Variants in TUBGCP2 observed in about 807,000 individuals in gnomAD.
The protein encoded by TUBGCP2 is tubulin gamma complex component 2.
TUBGCP2 carries 55 observed loss-of-function variants against 92.2 expected under a neutral mutation model. The ratio of observed to expected loss-of-function variants is 0.60; its 90% CI spans 0.48 to 0.75. The LOEUF (loss-of-function observed/expected upper bound fraction) is 0.75, where lower values mean the gene tolerates loss of function less well. TUBGCP2 is among the 30% of genes least tolerant of loss of function. The probability of loss-of-function intolerance (pLI) is 0.00; values close to 1 mark genes in which losing one functional copy is unlikely to be tolerated. For missense variants in TUBGCP2, 1,093 were observed against 1,188.9 expected, an observed-to-expected ratio of 0.92 and a Z score of 1.19; for synonymous variants, 533 against 505.2, an observed-to-expected ratio of 1.06 and a Z score of -0.74.
chr10:133,291,219 C>T (rs1339579572), intron 8 of TUBGCP2, among the ~76,000 whole-genome samples: 1 of 150,874 alleles, frequency 6.6e-6, no homozygotes, highest in Non-Finnish European at 1.5e-5. Flanking sequence ...CCAGAGCCCC[C>T]AGAGAGGGCA....
upstream of TUBGCP2, chr10:133,312,143 A>T: frequency 7.1e-7 from 1 of 1,416,694 alleles, no homozygotes; most frequent in Non-Finnish European, 9.2e-7. Context: ...GTCACAACCC[A>T]GGCGTCTGCC....
At chr10:133,283,677 C>G (rs56094931) in intron 14 of TUBGCP2, among the ~76,000 whole-genome samples, 2 of 6,162 alleles carry the variant, frequency 3.2e-4, no homozygotes, top group Non-Finnish European at 7.3e-4. Context: ...CCTGCACTCC[C>G]TGCCTCTCCC....
chr10:133,285,091 G>A lies in TUBGCP2; in HGVS notation c.2018C>T (p.Ala673Val), dbSNP rs1847096923. 1 of 1,605,894 alleles carries A rather than the reference G, an allele frequency of 6.2e-7. No individual in the cohort carries two copies. Among genetic ancestry groups the A allele is most frequent in the Non-Finnish European group, 8.5e-7 (1 of 1,174,454 alleles). Residue 673 changes from alanine (A) to valine (V), a missense_variant, in exon 13 of 18, where the codon GCC (alanine) becomes GTC (valine). Around this residue, in one of 3 missense-constraint regions of TUBGCP2, gnomAD observed 598 missense variants for 675.5 expected, o/e 0.89. Transcript: ENST00000252936. The surrounding 1 kb of genome is among the most constrained non-coding windows in gnomAD (Gnocchi z 6.8). Reference sequence around the variant, plus strand: ...GGGCAGAGGAAGAACGCACCACTGGGCGGAGTGCAGCGAGTGCTGCTTGGC... The same window carrying A: ...GGGCAGAGGAAGAACGCACCACTGGACGGAGTGCAGCGAGTGCTGCTTGGC... ...KTAKQHSLHS[A>V]QWFAGAFTLR...
rs540190006 is a variant in TUBGCP2 at position 133,308,223 on chromosome 10, G to A, written c.-40+600C>T. On this transcript the variant is annotated intron_variant, in intron 1 of 17. Coordinates refer to ENST00000252936, the MANE Select transcript of TUBGCP2 (RefSeq NM_006659.4). Reference sequence around the variant, plus strand: ...TAATTAGGTGACTCTTTACTCTGACGTCTGTCTCTCCTACAAGGCTGCCGC... The same window carrying A: ...TAATTAGGTGACTCTTTACTCTGACATCTGTCTCTCCTACAAGGCTGCCGC... Among the ~76,000 whole-genome samples the A allele has an allele frequency of 1.1e-4, 16 of 152,252 alleles. 1 individual carries two copies. The South Asian group carries it at 2.9e-3, about 28-fold the overall frequency.
upstream of TUBGCP2, chr10:133,310,253 G>C (rs146350657): frequency 6.2e-7 from 1 of 1,614,038 alleles, no homozygotes. Flanking sequence ...TGTACCCCGC[G>C]GACTTCCGGT....
chr10:133,306,882 C>T (rs937789923), intron 1 of TUBGCP2, among the ~76,000 whole-genome samples: 2 of 152,226 alleles, frequency 1.3e-5, no homozygotes, highest in African/African-American at 4.8e-5. Flanking sequence ...CATGAGTGTT[C>T]ATCCCATGAG....
At position 133,281,309 on chromosome 10, in the gene TUBGCP2, C is replaced by T; in HGVS notation, c.2537G>A (p.Ser846Asn). 1 of 1,612,998 alleles carries T rather than the reference C, an allele frequency of 6.2e-7. No homozygotes were observed. The highest frequency in any genetic ancestry group is 8.5e-7 in the Non-Finnish European group (1 of 1,179,956). ...GCTGGCCATGCCGTGCTCACAGTCA[C>T]TGGTGCTATAGATGCTCAGCCGGGC... ...LLARLSIYSTSDCEHGMASVI... is the reference protein window; with the variant it reads ...LLARLSIYSTNDCEHGMASVI... The change falls in exon 17 of 18, where the codon AGT (serine) becomes AAT (asparagine). Residue 846 changes from serine (S) to asparagine (N), a missense_variant. Transcript: ENST00000252936.
At chr10:133,301,540 T>C (rs1448395175) in intron 2 of TUBGCP2, among the ~76,000 whole-genome samples, 27 of 152,194 alleles carry the variant, frequency 1.8e-4, no homozygotes. Flanking sequence ...GTGCCATTGT[T>C]AACCTGTTTA....
At chr10:133,293,349 A>C in intron 6 of TUBGCP2, 111 bp from the exon 7 acceptor site, 1 of 1,342,706 alleles carries the variant, frequency 7.4e-7, no homozygotes, top group Non-Finnish European at 1.0e-6. Flanking sequence ...CTTGAACCCC[A>C]CATCCCAGAG....
intron 5 of TUBGCP2, chr10:133,297,442 G>A (rs1847515918): frequency 2.2e-6 from 1 of 451,998 alleles, no homozygotes; most frequent in Non-Finnish European, 4.4e-6. Flanking sequence ...CCCATGAATT[G>A]TGACAGATGA....
At position 133,283,321 on chromosome 10, in the gene TUBGCP2, C is replaced by T. The variant is rs74164136; in HGVS notation, c.2146-100G>A. On this transcript the variant is annotated intron_variant, in intron 14 of 17. Coordinates refer to ENST00000252936, the MANE Select transcript of TUBGCP2 (RefSeq NM_006659.4). ...TTCTGGCTTTGTGCATTCCTGTTTA[C>T]GCACTTCTACCTCTTAAATGGGCCT... The T allele has an allele frequency of 4.9e-3, 7,476 of 1,529,324 alleles. 290 individuals are homozygous for T. The African/African-American group carries it at 0.08, about 16-fold the overall frequency. 94.7% of individuals were successfully genotyped at this position (1,529,324 alleles called of 1,614,324 possible).
intron 10 of TUBGCP2, 108 bp from the exon 11 acceptor site, chr10:133,288,417 A>G: frequency 2.9e-6 from 4 of 1,386,960 alleles, no homozygotes; most frequent in Non-Finnish European, 3.9e-6. Flanking sequence ...ACAGCCAGGG[A>G]GCAGGCGTGA....
In TUBGCP2 at chr10:133,283,956, G is replaced by A; in HGVS notation, c.2071C>T (p.Gln691Ter). The A allele has an allele frequency of 6.2e-7, 1 of 1,614,148 alleles. No homozygotes were observed. The highest frequency in any genetic ancestry group is 8.5e-7 in the Non-Finnish European group (1 of 1,180,014). ...TLRQRMLNFV[Q>*]NIQYYMMFEV... ...AACATCATGTAGTATTGAATATTCT[G>A]GACGAAGTTGAGCATTCGCTGCCGC... The change falls in exon 14 of 18, where the codon CAG (glutamine) becomes TAG (stop). Residue 691 changes from glutamine (Q) to a stop codon, truncating the protein, a stop_gained. Coordinates refer to ENST00000252936, the MANE Select transcript of TUBGCP2 (RefSeq NM_006659.4). LOFTEE classifies it high-confidence loss of function.
chr10:133,308,175 G>C (rs1431171185), intron 1 of TUBGCP2, among the ~76,000 whole-genome samples: 1 of 152,158 alleles, frequency 6.6e-6, no homozygotes, highest in African/African-American at 2.4e-5. Flanking sequence ...ACTGCTTCCC[G>C]CGTGTGTTGT....
chr10:133,302,775 C>G lies in TUBGCP2; in HGVS notation c.150+17G>C, dbSNP rs370314512. 34 of 1,612,040 alleles carry G rather than the reference C, an allele frequency of 2.1e-5. No individual in the cohort carries two copies. The highest frequency in any genetic ancestry group is 4.3e-4 in the Middle Eastern group (2 of 4,628). On this transcript the variant is annotated intron_variant, in intron 2 of 17. Coordinates refer to ENST00000252936, the MANE Select transcript of TUBGCP2 (RefSeq NM_006659.4). ...AGTGCTCACCCTGCACAGCGCTACA[C>G]CAAGGGCAGTGCTCACCTTGGCACT...
intron 1 of TUBGCP2, among the ~76,000 whole-genome samples, chr10:133,305,544 T>TC (rs1847792977): frequency 1.3e-5 from 2 of 152,100 alleles, no homozygotes; most frequent in Admixed American, 6.5e-5. Context: ...TTACAATCTC[T>TC]CATCTCCGCA....
At position 133,281,392 on chromosome 10, in the gene TUBGCP2, G is replaced by C. The variant is rs370230871; in HGVS notation, c.2454C>G (p.Phe818Leu). 1.0e-4 allele frequency: 165 copies of C among 1,613,612 alleles called. No homozygotes were observed. The highest frequency in any genetic ancestry group is 1.7e-4 in the Middle Eastern group (1 of 6,002). ...TGTCAAACTTGTTGATGGTGGCCTC[G>C]AAGCCGGACACCAGCTGCACAGTGT... is the stretch of plus-strand genomic sequence containing the variant. ...HADTVQLVSG[F>L]EATINKFDKN... Residue 818 changes from phenylalanine to leucine, a missense_variant, in exon 17 of 18, where the codon TTC becomes TTG. Transcript: ENST00000252936.
In TUBGCP2 at chr10:133,285,631, T is replaced by TG; in HGVS notation, c.1723-4dup. ...AGGTCATGGGGCATCAGGTCGATCT[T>TG]GGAGGGAAGGAAATGAAACAAAGCA... On this transcript the variant is annotated splice_region_variant and splice_polypyrimidine_tract_variant and intron_variant, in intron 11 of 17. Transcript: ENST00000252936. This position sits in a 1 kb window ranked among gnomAD's most constrained non-coding sequence, Gnocchi z 6.8. The TG allele has an allele frequency of 6.6e-7, 1 of 1,504,764 alleles. No homozygotes were observed. The highest frequency in any genetic ancestry group is 1.4e-5 in the South Asian group (1 of 71,756). The allele number at this position is 1,504,764 out of a possible 1,614,324, so 93.2% of individuals were successfully genotyped here.
upstream of TUBGCP2, chr10:133,311,968 G>C: frequency 6.2e-7 from 1 of 1,611,102 alleles, no homozygotes; most frequent in Non-Finnish European, 8.5e-7. Context: ...TAAGAAAATC[G>C]GCTTCCGCCA....
Sources: allele counts gnomAD v4.1 joint callset (sites outside exome capture counted in the v4.1 genomes callset), GRCh38; gene constraint gnomAD v4.1.1; regional missense constraint gnomAD v4.1.1; non-coding constraint Gnocchi (gnomAD v3.1); transcripts MANE v1.5; gene names NCBI Gene and HGNC (gene_info 2026-07-23, HGNC 2026-07-21).